MAGI3: variants seen among roughly 807,000 people sequenced by gnomAD.
MAGI3 encodes the protein membrane associated guanylate kinase, WW and PDZ domain containing 3, also known as membrane-associated guanylate kinase, WW and PDZ domain-containing protein 3.
MAGI3 carries 43 observed loss-of-function variants against 121.8 expected under a neutral mutation model. The ratio of observed to expected loss-of-function variants is 0.35; its 90% CI spans 0.28 to 0.46. The LOEUF (loss-of-function observed/expected upper bound fraction) is 0.46, where lower values mean the gene tolerates loss of function less well. Ranked by LOEUF, MAGI3 falls within the 20% of genes least tolerant of loss-of-function variation. The probability of loss-of-function intolerance (pLI) is 1.00; values close to 1 mark genes in which losing one functional copy is unlikely to be tolerated. For synonymous variants in MAGI3, 553 were observed against 639.3 expected, an observed-to-expected ratio of 0.86 and a Z score of 2.04; for missense variants, 1,547 against 1,797.3, an observed-to-expected ratio of 0.86 and a Z score of 2.52.
intron 2 of MAGI3, among the ~76,000 whole-genome samples, chr1:113,556,341 G>T: frequency 6.6e-6 from 1 of 152,180 alleles, no homozygotes. Flanking sequence ...GCACAAATTA[G>T]TGCTATCCGG....
chr1:113,641,033 T>TATATGATATATAATATATATG (rs371402730), intron 9 of MAGI3, among the ~76,000 whole-genome samples: 504 of 12,368 alleles, frequency 0.041, 9 homozygotes, highest in Non-Finnish European at 0.063. Context: ...ATATATATGA[T>TATATGATATATAATATATATG]ATATATAATA....
rs76395747 is a variant in MAGI3, at chr1:113,643,759, C to T, written c.1983C>T (p.Thr661=). The change falls in exon 11 of 21, where the codon ACC becomes ACT. Residue 661 remains threonine, a synonymous_variant. Transcript: ENST00000307546. ...LILRGGPPSP[T]KTAKMKTDKK... is the part of the protein sequence containing the mutation. ...TTTTTTAAGGTCCTCCTTCACCAAC[C>T]AAAACTGCCAAAATGGTGAGTATAC... is the stretch of plus-strand genomic sequence containing the variant. The T allele has an allele frequency of 1.2e-6, 2 of 1,613,622 alleles. No individual in the cohort carries two copies. Among genetic ancestry groups the T allele is most frequent in the African/African-American group, 2.7e-5 (2 of 74,836 alleles).
At chr1:113,393,373 C>T (rs1650927079) in intron 1 of MAGI3, among the ~76,000 whole-genome samples, 1 of 152,166 alleles carries the variant, frequency 6.6e-6, no homozygotes, top group Non-Finnish European at 1.5e-5. Context: ...GTTCTGAATA[C>T]TACACTTGTT....
chr1:113,544,515 A>C (rs987074859), intron 1 of MAGI3, among the ~76,000 whole-genome samples: 3 of 152,222 alleles, frequency 2.0e-5, no homozygotes, highest in African/African-American at 7.2e-5. Context: ...TTATTAGAAG[A>C]AATTCTTATA....
intron 9 of MAGI3, among the ~76,000 whole-genome samples, chr1:113,641,132 A>G (rs998903259): frequency 2.8e-4 from 10 of 36,222 alleles, no homozygotes; most frequent in Admixed American, 1.8e-3. Context: ...TATATATTAT[A>G]TATATGATAT....
intron 9 of MAGI3, among the ~76,000 whole-genome samples, chr1:113,637,036 G>A (rs1165032926): frequency 6.6e-6 from 1 of 152,182 alleles, no homozygotes; most frequent in Non-Finnish European, 1.5e-5. Flanking sequence ...TTTTATCAGA[G>A]ACTAGGATTG....
At chr1:113,667,168 C>A (rs1307271722) in intron 16 of MAGI3, among the ~76,000 whole-genome samples, 1 of 152,172 alleles carries the variant, frequency 6.6e-6, no homozygotes, top group Non-Finnish European at 1.5e-5. Context: ...GCAAGAGAGT[C>A]AGCTGCCTTT....
At chr1:113,643,719 A>C (rs1652676962) in intron 10 of MAGI3, 24 bp from the exon 11 acceptor site, 1 of 1,612,602 alleles carries the variant, frequency 6.2e-7, no homozygotes, top group East Asian at 2.2e-5. Flanking sequence ...CTGGTTTTAA[A>C]CTTTGGTTCA....
At chr1:113,456,934 T>C (rs994752277) in intron 1 of MAGI3, among the ~76,000 whole-genome samples, 1 of 151,470 alleles carries the variant, frequency 6.6e-6, no homozygotes, top group Non-Finnish European at 1.5e-5. Context: ...AAAAAGGAGA[T>C]ACAGTTCCCA....
intron 1 of MAGI3, among the ~76,000 whole-genome samples, chr1:113,454,663 AG>A (rs749468983): frequency 2.0e-5 from 3 of 151,792 alleles, no homozygotes; most frequent in Non-Finnish European, 4.4e-5. Flanking sequence ...ATCCCTCGAC[AG>A]GCCCCGGTGT....
chr1:113,544,709 G>A (rs1659450608), intron 1 of MAGI3, among the ~76,000 whole-genome samples: 1 of 152,184 alleles, frequency 6.6e-6, no homozygotes. Flanking sequence ...TGCACAAAGA[G>A]CTTTTAAGGT....
intron 1 of MAGI3, among the ~76,000 whole-genome samples, chr1:113,440,371 C>T (rs774745182): frequency 1.3e-5 from 2 of 152,130 alleles, no homozygotes; most frequent in Non-Finnish European, 2.9e-5. Context: ...TCTTCAATGA[C>T]TTAAGTTTCT....
intron 2 of MAGI3, among the ~76,000 whole-genome samples, chr1:113,557,613 C>T (rs373370192): frequency 1.3e-5 from 2 of 152,176 alleles, no homozygotes; most frequent in Non-Finnish European, 2.9e-5. Context: ...CAAGCTGCCA[C>T]CTTGGCCGTT....
chr1:113,430,491 T>C (rs1489453335), intron 1 of MAGI3, among the ~76,000 whole-genome samples: 1 of 152,170 alleles, frequency 6.6e-6, no homozygotes, highest in Non-Finnish European at 1.5e-5. Flanking sequence ...TTTTTTAGAA[T>C]ATGAAAAGAG....
chr1:113,576,034 C>T (rs933390503), intron 2 of MAGI3, among the ~76,000 whole-genome samples: 2 of 152,148 alleles, frequency 1.3e-5, no homozygotes, highest in Non-Finnish European at 2.9e-5. Flanking sequence ...GGTGGATGCC[C>T]CTCCCCCCAC....
chr1:113,618,717 G>A, intron 7 of MAGI3: 1 of 286,592 alleles, frequency 3.5e-6, no homozygotes, highest in Non-Finnish European at 6.8e-6. Flanking sequence ...TGTTGGCCAG[G>A]ATGGTCTCTA....
chr1:113,417,689 T>C (rs1652526649), intron 1 of MAGI3, among the ~76,000 whole-genome samples: 1 of 152,152 alleles, frequency 6.6e-6, no homozygotes, highest in Non-Finnish European at 1.5e-5. Flanking sequence ...ATTCCTCCTG[T>C]ATATGTTTCT....
At chr1:113,505,385 A>G (rs2101601599) in intron 1 of MAGI3, among the ~76,000 whole-genome samples, 1 of 152,230 alleles carries the variant, frequency 6.6e-6, no homozygotes, top group Admixed American at 6.5e-5. Context: ...TAGCTCAAAT[A>G]AACACATATT....
In MAGI3 at chr1:113,456,117, ATTTT is replaced by A. The variant is rs35038942; in HGVS notation, c.316+64786_316+64789del. On this transcript the variant is annotated intron_variant, in intron 1 of 20. Transcript: ENST00000307546. ...AGGCGCCCGCCACCACGCCCGGCTA[ATTTT>A]TTTTTTTTTTTTTTTTTGTATTTTT... Among the ~76,000 whole-genome samples, 4 of 113,248 alleles carry A rather than the reference ATTTT, an allele frequency of 3.5e-5. No homozygotes were observed. In the Admixed American group the frequency reaches 4.0e-4, roughly 11 times the overall value. The allele number at this position is 113,248 out of a possible 152,430, so 74.3% of individuals were successfully genotyped here.
Sources: allele counts gnomAD v4.1 joint callset (sites outside exome capture counted in the v4.1 genomes callset), GRCh38; gene constraint gnomAD v4.1.1; transcripts MANE v1.5; gene names NCBI Gene and HGNC (gene_info 2026-07-23, HGNC 2026-07-21).